Variants in MYO9A observed in about 807,000 individuals in gnomAD.
MYO9A encodes the protein unconventional myosin-IXa.
A neutral mutation model predicts 293.3 loss-of-function variants in MYO9A; 103 were observed. The observed-to-expected ratio is 0.35, with a 90% CI of 0.30 to 0.41. The LOEUF is 0.41. MYO9A is among the 10% of genes least tolerant of loss of function. MYO9A has a pLI of 1.00. For synonymous variants in MYO9A, 1,001 were observed against 1,035.7 expected (o/e 0.97, Z 0.64); for missense variants, 2,685 against 3,033.0 (o/e 0.89, Z 2.69).
chr15:72,038,280 G>T (rs900866325), intron 2 of MYO9A, among the ~76,000 whole-genome samples: 2 of 152,098 alleles, frequency 1.3e-5, no homozygotes, highest in African/African-American at 2.4e-5. Flanking sequence ...CATGTTCTGG[G>T]CCATAAGTCT....
intron 39 of MYO9A, among the ~76,000 whole-genome samples, chr15:71,834,440 C>T (rs924007351): frequency 3.3e-5 from 5 of 152,060 alleles, no homozygotes; most frequent in Admixed American, 1.3e-4. Context: ...TAGAGGCAGG[C>T]GTTAAGTTTG....
intron 1 of MYO9A, among the ~76,000 whole-genome samples, chr15:72,063,304 A>C (rs886852135): frequency 3.3e-5 from 5 of 152,214 alleles, no homozygotes; most frequent in Non-Finnish European, 7.3e-5. Context: ...CACTGAAAGA[A>C]AACATTGGAG....
At chr15:72,038,678 G>A (rs563942831) in intron 2 of MYO9A, among the ~76,000 whole-genome samples, 1 of 152,256 alleles carries the variant, frequency 6.6e-6, no homozygotes, top group East Asian at 1.9e-4. Flanking sequence ...GACTAAGATG[G>A]AAGCCATGTA....
At chr15:71,967,004 A>G (rs1269447050) in intron 13 of MYO9A, among the ~76,000 whole-genome samples, 2 of 152,138 alleles carry the variant, frequency 1.3e-5, no homozygotes, top group African/African-American at 4.8e-5. Flanking sequence ...ATTTCACCAT[A>G]TCAAACTCCT....
At chr15:71,974,898 T>C (rs759312344) in intron 12 of MYO9A, among the ~76,000 whole-genome samples, 8 of 152,158 alleles carry the variant, frequency 5.3e-5, no homozygotes, top group Non-Finnish European at 1.2e-4. Context: ...GAGGAAAAGT[T>C]TGGGAACTAC....
At chr15:72,010,073 T>A (rs2077129453) in intron 7 of MYO9A, among the ~76,000 whole-genome samples, 1 of 152,100 alleles carries the variant, frequency 6.6e-6, no homozygotes. Context: ...AAGTTTTAAG[T>A]AAGGTCCATG....
rs375132352 is a variant in MYO9A at position 71,826,681 on chromosome 15, G to A, written c.7546C>T (p.Pro2516Ser). Residue 2516 changes from proline (P) to serine (S), a missense_variant, in exon 42 of 42, where the codon CCA becomes TCA. By Grantham distance (74) the Pro-to-Ser change is moderately conservative. Transcript: ENST00000356056. Reference sequence around the variant, plus strand: ...CGGCCAGACATGACTGTCCCCTCTGGGGTCTCTTTGGTTTTCTGAGGTGAG... The same window carrying A: ...CGGCCAGACATGACTGTCCCCTCTGAGGTCTCTTTGGTTTTCTGAGGTGAG... ...KNSPQKTKET[P>S]EGTVMSGRRK... 13 of 1,614,086 alleles carry A rather than the reference G, an allele frequency of 8.1e-6. No homozygotes were observed. Among genetic ancestry groups the A allele is most frequent in the Non-Finnish European group, 1.1e-5 (13 of 1,179,976 alleles).
At chr15:71,844,927 G>T (rs984727895) in intron 39 of MYO9A, among the ~76,000 whole-genome samples, 4 of 152,252 alleles carry the variant, frequency 2.6e-5, no homozygotes, top group African/African-American at 9.6e-5. Context: ...CGTTACTAGG[G>T]TTTGTCTATG....
In MYO9A at chr15:71,928,488, G is replaced by C. The variant is rs1329770102; in HGVS notation, c.2562+5182C>G. Among the ~76,000 whole-genome samples the C allele has an allele frequency of 3.3e-5, 5 of 152,016 alleles. No individual in the cohort carries two copies. The East Asian group carries it at 9.7e-4, about 29-fold the overall frequency. ...TTTATTTCTGTGAAAAATGAAAATG[G>C]AATGTTATAGGGATTGCACTGAATC... On this transcript the variant is annotated intron_variant, in intron 18 of 41. Coordinates refer to ENST00000356056, the MANE Select transcript of MYO9A (RefSeq NM_006901.4).
In MYO9A at chr15:71,880,488, T is replaced by C. The variant is rs1262559106; in HGVS notation, c.5469A>G (p.Lys1823=). The stretch of plus-strand genomic sequence containing the variant: ...CCTTTGGAGAAGGTTCTTTGTTCTC[T>C]TTGAATTCCTTCCGGCAACTGCCGG... ...ELPGSCRKEF[K]ENKEPSPKAK... is the part of the protein sequence containing the mutation. The change falls in exon 29 of 42, where the codon AAA becomes AAG. Residue 1823 remains lysine (K), a synonymous_variant. Coordinates refer to ENST00000356056, the MANE Select transcript of MYO9A (RefSeq NM_006901.4). The C allele has an allele frequency of 1.2e-6, 2 of 1,614,232 alleles. No homozygotes were observed. Among genetic ancestry groups the C allele is most frequent in the Non-Finnish European group, 8.5e-7 (1 of 1,180,010 alleles).
chr15:71,849,318 G>A (rs1294209774), intron 38 of MYO9A, among the ~76,000 whole-genome samples: 1 of 152,094 alleles, frequency 6.6e-6, no homozygotes, highest in Non-Finnish European at 1.5e-5. Context: ...GCATGGTGGT[G>A]CACGCCTATA....
At chr15:72,085,149 C>A (rs1215029279) in intron 1 of MYO9A, among the ~76,000 whole-genome samples, 1 of 152,146 alleles carries the variant, frequency 6.6e-6, no homozygotes, top group African/African-American at 2.4e-5. Flanking sequence ...AGTCCCAGCA[C>A]TTTGGGAGGC....
At chr15:71,919,765 C>T (rs577687727) in intron 18 of MYO9A, among the ~76,000 whole-genome samples, 8 of 146,950 alleles carry the variant, frequency 5.4e-5, no homozygotes, top group African/African-American at 2.0e-4. Flanking sequence ...TCGCTTGAAC[C>T]CAGGAGGCAG....
At chr15:71,920,388 G>T (rs1377756218) in intron 18 of MYO9A, among the ~76,000 whole-genome samples, 1 of 152,080 alleles carries the variant, frequency 6.6e-6, no homozygotes, top group Non-Finnish European at 1.5e-5. Flanking sequence ...GGGCCCTTGG[G>T]AAGTAGCTGG....
At chr15:72,028,218 AATATATAT>A (rs33914430) in intron 3 of MYO9A, among the ~76,000 whole-genome samples, 2 of 134,256 alleles carry the variant, frequency 1.5e-5, no homozygotes, top group South Asian at 2.3e-4. Context: ...TAAATAAATA[AATATATAT>A]ATATATATAT....
intron 32 of MYO9A, among the ~76,000 whole-genome samples, chr15:71,864,689 T>C (rs1346713714): frequency 6.6e-6 from 1 of 152,164 alleles, no homozygotes; most frequent in Non-Finnish European, 1.5e-5. Context: ...ATGATATAGA[T>C]GAACTTCAAA....
At chr15:72,029,143 T>G (rs139671675) in intron 3 of MYO9A, among the ~76,000 whole-genome samples, 2 of 152,008 alleles carry the variant, frequency 1.3e-5, no homozygotes, top group Non-Finnish European at 2.9e-5. Flanking sequence ...GGTGAAAGAG[T>G]GACTGGGTAA....
At chr15:71,960,708 A>G (rs1227800595) in intron 13 of MYO9A, among the ~76,000 whole-genome samples, 1 of 152,218 alleles carries the variant, frequency 6.6e-6, no homozygotes, top group African/African-American at 2.4e-5. Flanking sequence ...TTTCTATAAT[A>G]CATGTAAGTT....
intron 19 of MYO9A, among the ~76,000 whole-genome samples, chr15:71,911,885 C>T (rs560145974): frequency 6.6e-6 from 1 of 152,280 alleles, no homozygotes; most frequent in South Asian, 2.1e-4. Context: ...TAATTTACCA[C>T]AAAAGGCTGA....
Sources: allele counts gnomAD v4.1 joint callset (sites outside exome capture counted in the v4.1 genomes callset), GRCh38; gene constraint gnomAD v4.1.1; transcripts MANE v1.5; gene names NCBI Gene and HGNC (gene_info 2026-07-23, HGNC 2026-07-21).